Variants in CHTF8 observed in about 807,000 individuals in gnomAD.
The protein encoded by CHTF8 is chromosome transmission fidelity protein 8 homolog.
In CHTF8, 6 loss-of-function variants were observed where a neutral mutation model predicts 11.0. That is an observed-to-expected ratio of 0.55 (90% CI 0.30 to 1.08). The LOEUF is 1.08. CHTF8 is among the 50% of genes least tolerant of loss of function. The pLI, the probability that CHTF8 is intolerant of heterozygous loss-of-function variation, is 0.07. For synonymous variants in CHTF8, 53 were observed against 60.5 expected, an observed-to-expected ratio of 0.88 and a Z score of 0.57; for missense variants, 140 against 153.1, an observed-to-expected ratio of 0.91 and a Z score of 0.45.
chr16:69,120,582 A>C lies in CHTF8; in HGVS notation c.209T>G (p.Phe70Cys), dbSNP rs1456082174. The C allele has an allele frequency of 6.2e-7, 1 of 1,614,092 alleles. No homozygotes were observed. Among genetic ancestry groups the C allele is most frequent in the Admixed American group, 1.7e-5 (1 of 60,000 alleles). Residue 70 changes from phenylalanine (F) to cysteine (C), a missense_variant, in exon 4 of 4, where the codon TTT (phenylalanine) becomes TGT (cysteine). Phe to Cys is a radical substitution (Grantham distance 205). Coordinates refer to ENST00000448552, the MANE Select transcript of CHTF8 (RefSeq NM_001039690.5). This position sits in a 1 kb window ranked among gnomAD's most constrained non-coding sequence, Gnocchi z 4.0. Reference sequence around the variant, plus strand: ...AGGAGTGTGTTTGACAAGGACTGCAAAAGGTTTCTCCAGGTGGATGATTTT... The same window carrying C: ...AGGAGTGTGTTTGACAAGGACTGCACAAGGTTTCTCCAGGTGGATGATTTT... ...YGKIIHLEKPFAVLVKHTPGD... is the reference protein window; with the variant it reads ...YGKIIHLEKPCAVLVKHTPGD...
intron 2 of CHTF8, 132 bp from the exon 3 acceptor site, chr16:69,121,302 G>A: frequency 8.2e-7 from 1 of 1,212,232 alleles, no homozygotes; most frequent in Non-Finnish European, 1.2e-6. Flanking sequence ...GCAGTGCTAG[G>A]CATGGAACTA....
In CHTF8 at chr16:69,118,688, C is replaced by T. The variant is rs1370800818; in HGVS notation, c.*1737G>A. On this transcript the variant is annotated 3_prime_UTR_variant, in exon 4 of 4. Transcript: ENST00000448552. The stretch of plus-strand genomic sequence containing the variant: ...AGTTCACATGCCACAAATAACATCT[C>T]ACCTTCAGTCAAGAAAAACGCAAAG... 11 of 662,618 alleles carry T rather than the reference C, an allele frequency of 1.7e-5. No individual in the cohort carries two copies. Among genetic ancestry groups the T allele is most frequent in the Admixed American group, 6.9e-5 (3 of 43,522 alleles). The allele number at this position is 662,618 out of a possible 1,614,324, so 41.0% of individuals were successfully genotyped here. A position where few individuals can be genotyped will look rare whatever the true frequency, so the allele number is the denominator to read the frequency against.
chr16:69,123,599 G>A (rs1008546158), intron 1 of CHTF8, among the ~76,000 whole-genome samples: 2 of 152,014 alleles, frequency 1.3e-5, no homozygotes, highest in Non-Finnish European at 2.9e-5. Context: ...CAAAGGTTAC[G>A]GTGAGCCAAG....
intron 1 of CHTF8, among the ~76,000 whole-genome samples, chr16:69,122,821 C>T (rs369596013): frequency 1.1e-4 from 17 of 152,126 alleles, no homozygotes; most frequent in Non-Finnish European, 2.1e-4. Flanking sequence ...GGATTACAGG[C>T]GTGAACCACC....
chr16:69,129,476 A>T (rs927416074), intron 1 of CHTF8, among the ~76,000 whole-genome samples: 5 of 151,824 alleles, frequency 3.3e-5, no homozygotes, highest in African/African-American at 1.2e-4. Context: ...TCCAGGCAGA[A>T]CATTATTTTT....
Position 69,119,501 on chromosome 16 carries a change from G to T in CHTF8, c.*924C>A. ...CCCGAGTTTGGGCCCATGGGGCCAGGTACTCTTGCCATGGAGGATGGGCTT... is the reference window on the plus strand; with the variant it reads ...CCCGAGTTTGGGCCCATGGGGCCAGTTACTCTTGCCATGGAGGATGGGCTT... On this transcript the variant is annotated 3_prime_UTR_variant, in exon 4 of 4. Coordinates refer to ENST00000448552, the MANE Select transcript of CHTF8 (RefSeq NM_001039690.5). The T allele has an allele frequency of 1.4e-6, 1 of 702,816 alleles. No individual in the cohort carries two copies. Among genetic ancestry groups the T allele is most frequent in the Non-Finnish European group, 2.6e-6 (1 of 384,970 alleles). The allele number at this position is 702,816 out of a possible 1,614,324, so 43.5% of individuals were successfully genotyped here. A position where few individuals can be genotyped will look rare whatever the true frequency, so the allele number is the denominator to read the frequency against.
chr16:69,127,132 G>A (rs1449217782), intron 1 of CHTF8, among the ~76,000 whole-genome samples: 1 of 151,952 alleles, frequency 6.6e-6, no homozygotes. Flanking sequence ...CAGCTACTCG[G>A]GAGGCTGAGA....
At chr16:69,124,523 A>T (rs1319750704) in intron 1 of CHTF8, among the ~76,000 whole-genome samples, 4 of 151,646 alleles carry the variant, frequency 2.6e-5, no homozygotes, top group African/African-American at 9.7e-5. Context: ...TTCCAGCTTC[A>T]AGTGATTCTC....
rs144556678 is a variant in CHTF8 at position 69,118,620 on chromosome 16, G to A, written c.*1805C>T. The A allele has an allele frequency of 8.8e-4, 619 of 705,710 alleles. 2 individuals are homozygous for A. The African/African-American group carries it at 9.6e-3, about 11-fold the overall frequency. The allele number at this position is 705,710 out of a possible 1,614,324, so 43.7% of individuals were successfully genotyped here. On this transcript the variant is annotated 3_prime_UTR_variant, in exon 4 of 4. Coordinates refer to ENST00000448552, the MANE Select transcript of CHTF8 (RefSeq NM_001039690.5). ...AAGCACAGCAGGCTTCTGGGAGGCTGGAGATCCTTTCTCTCAAGGGCAGGA... is the reference window on the plus strand; with the variant it reads ...AAGCACAGCAGGCTTCTGGGAGGCTAGAGATCCTTTCTCTCAAGGGCAGGA...
rs1169672107 is a variant in CHTF8 at position 69,118,037 on chromosome 16, CAGTA to C, written c.*2384_*2387del. 5 of 380,178 alleles carry C rather than the reference CAGTA, an allele frequency of 1.3e-5. No individual in the cohort carries two copies. In the East Asian group the frequency reaches 1.5e-4, roughly 11 times the overall value. 23.6% of individuals were successfully genotyped at this position (380,178 alleles called of 1,614,324 possible). A position where few individuals can be genotyped will look rare whatever the true frequency, so the allele number is the denominator to read the frequency against. On this transcript the variant is annotated 3_prime_UTR_variant, in exon 4 of 4. Coordinates refer to ENST00000448552, the MANE Select transcript of CHTF8 (RefSeq NM_001039690.5). ...CCTCTCATCCCATTTATTAAAGAAA[CAGTA>C]AGAAAAGATACAATGCAGGAAAACC...
chr16:69,131,882 C>A (rs1264290445), intron 1 of CHTF8, among the ~76,000 whole-genome samples: 1 of 151,916 alleles, frequency 6.6e-6, no homozygotes, highest in Non-Finnish European at 1.5e-5. Context: ...ACTCTCCAAC[C>A]ACCCTTCCAA....
chr16:69,128,884 T>G (rs1207149446), intron 1 of CHTF8, among the ~76,000 whole-genome samples: 1 of 151,882 alleles, frequency 6.6e-6, no homozygotes. Context: ...ACCAACATGG[T>G]GAAACCCAGT....
rs1220194471 is a variant in CHTF8 at position 69,118,738 on chromosome 16, G to A, written c.*1687C>T. ...GGAAAAAGATGGCTCATTTGAACTT[G>A]AGCCCAAGCTATGTTCTTCAGACTG... On this transcript the variant is annotated 3_prime_UTR_variant, in exon 4 of 4. Transcript: ENST00000448552. The A allele has an allele frequency of 1.6e-6, 1 of 639,648 alleles. No individual in the cohort carries two copies. The highest frequency in any genetic ancestry group is 2.4e-5 in the Admixed American group (1 of 40,976). The allele number at this position is 639,648 out of a possible 1,614,324, so 39.6% of individuals were successfully genotyped here.
chr16:69,120,339 C>A lies in CHTF8; in HGVS notation c.*86G>T, dbSNP rs763359253. 113 of 1,361,500 alleles carry A rather than the reference C, an allele frequency of 8.3e-5. No homozygotes were observed. The Middle Eastern group carries it at 1.1e-3, about 13-fold the overall frequency. 84.3% of individuals were successfully genotyped at this position (1,361,500 alleles called of 1,614,324 possible). ...TCAGAACAGGACCCCCCTGTGGTCC[C>A]AGGGAACCGTCGAGCCGTCCTCGAG... On this transcript the variant is annotated 3_prime_UTR_variant, in exon 4 of 4. Coordinates refer to ENST00000448552, the MANE Select transcript of CHTF8 (RefSeq NM_001039690.5). This position sits in a 1 kb window ranked among gnomAD's most constrained non-coding sequence, Gnocchi z 4.0.
rs572322733 is a variant in CHTF8 at position 69,130,526 on chromosome 16, G to C, written c.-36+1958C>G. ...TAGTGAAGCACTCACTTGTCATACA[G>C]ACCTGGATTCTGTGATTTTGCCACC... On this transcript the variant is annotated intron_variant, in intron 1 of 3. Transcript: ENST00000448552. Among the ~76,000 whole-genome samples the C allele has an allele frequency of 4.1e-4, 63 of 152,294 alleles. No individual in the cohort carries two copies. In the South Asian group the frequency reaches 0.012, roughly 30 times the overall value.
chr16:69,131,012 ATTTT>A (rs1962464819), intron 1 of CHTF8, among the ~76,000 whole-genome samples: 1 of 152,136 alleles, frequency 6.6e-6, no homozygotes, highest in Non-Finnish European at 1.5e-5. Context: ...AATACAGATT[ATTTT>A]TATTTGTAGT....
In CHTF8 at chr16:69,120,033, C is replaced by A. The variant is rs768363090; in HGVS notation, c.*392G>T. 1.4e-6 allele frequency: 1 copy of A among 691,318 alleles called. No homozygotes were observed. Among genetic ancestry groups the A allele is most frequent in the Admixed American group, 2.1e-5 (1 of 47,576 alleles). The allele number at this position is 691,318 out of a possible 1,614,324, so 42.8% of individuals were successfully genotyped here. A position where few individuals can be genotyped will look rare whatever the true frequency, so the allele number is the denominator to read the frequency against. On this transcript the variant is annotated 3_prime_UTR_variant, in exon 4 of 4. Transcript: ENST00000448552. The surrounding 1 kb of genome is among the most constrained non-coding windows in gnomAD (Gnocchi z 4.0). ...GCCCTGGGCCTGGCAGAGCCCCTGT[C>A]CTAGGGTTTAGGGTGGGGCCTGGGC...
intron 1 of CHTF8, among the ~76,000 whole-genome samples, chr16:69,122,955 AG>A (rs1260073353): frequency 6.6e-6 from 1 of 152,154 alleles, no homozygotes; most frequent in African/African-American, 2.4e-5. Flanking sequence ...CTGGGATTAC[AG>A]GCATTAGCCA....
chr16:69,123,667 A>G (rs1961845484), intron 1 of CHTF8, among the ~76,000 whole-genome samples: 1 of 151,870 alleles, frequency 6.6e-6, no homozygotes, highest in Admixed American at 6.6e-5. Flanking sequence ...CAATCAATCA[A>G]TAAATCCAAG....
Sources: allele counts gnomAD v4.1 joint callset (sites outside exome capture counted in the v4.1 genomes callset), GRCh38; gene constraint gnomAD v4.1.1; non-coding constraint Gnocchi (gnomAD v3.1); transcripts MANE v1.5; gene names NCBI Gene and HGNC (gene_info 2026-07-23, HGNC 2026-07-21).